The following HELZ variants were observed in gnomAD, a reference collection of about 807,000 sequenced individuals.
HELZ encodes helicase with zinc finger.
HELZ carries 23 observed loss-of-function variants against 218.2 expected under a neutral mutation model. The observed-to-expected ratio is 0.11, with a 90% CI of 0.08 to 0.15. The LOEUF (loss-of-function observed/expected upper bound fraction) is 0.15. Ranked by LOEUF, HELZ falls within the 10% of genes least tolerant of loss-of-function variation. The pLI, the probability that HELZ is intolerant of heterozygous loss-of-function variation, is 1.00. For synonymous variants in HELZ, 814 were observed against 829.4 expected (o/e 0.98, Z 0.32); for missense variants, 1,813 against 2,353.7 (o/e 0.77, Z 4.75).
chr17:67,191,853 A>T (rs1197762622), intron 9 of HELZ, among the ~76,000 whole-genome samples: 1 of 152,082 alleles, frequency 6.6e-6, no homozygotes, highest in African/African-American at 2.4e-5. Flanking sequence ...TTTTAAATAA[A>T]AATAATAAAA....
intron 21 of HELZ, among the ~76,000 whole-genome samples, chr17:67,141,060 T>G (rs1186312962): frequency 1.3e-5 from 2 of 152,180 alleles, no homozygotes; most frequent in African/African-American, 4.8e-5. Context: ...CAGACTCCCC[T>G]TATAAGAAAT....
chr17:67,089,696 G>GACAGAGAGAGAGAGAGAGAGAGAC (rs1555595459), intron 31 of HELZ, among the ~76,000 whole-genome samples: 1 of 122,676 alleles, frequency 8.2e-6, no homozygotes, highest in Non-Finnish European at 1.7e-5. Flanking sequence ...GAGAGAGAGA[G>GACAGAGAGAGAGAGAGAGAGAGAC]AGAGACAGAG....
rs766521565 is a variant in HELZ at position 67,070,944 on chromosome 17, A to G, written c.*7308T>C. On this transcript the variant is annotated 3_prime_UTR_variant, in exon 33 of 33. Coordinates refer to ENST00000358691, the MANE Select transcript of HELZ (RefSeq NM_014877.4). ...TGCTAAGTAACTGATCTATGAAGTTAGCTGAACAAGTTTAGATAAGAACTA... is the reference window on the plus strand; with the variant it reads ...TGCTAAGTAACTGATCTATGAAGTTGGCTGAACAAGTTTAGATAAGAACTA... 3 of 152,214 alleles carry G rather than the reference A, an allele frequency of 2.0e-5. No individual in the cohort carries two copies. Among genetic ancestry groups the G allele is most frequent in the Non-Finnish European group, 4.4e-5 (3 of 68,034 alleles). The allele number at this position is 152,214 out of a possible 1,614,324, so 9.4% of individuals were successfully genotyped here. A position where few individuals can be genotyped will look rare whatever the true frequency, so the allele number is the denominator to read the frequency against.
At chr17:67,113,540 G>A (rs1598251018) in intron 28 of HELZ, among the ~76,000 whole-genome samples, 1 of 152,144 alleles carries the variant, frequency 6.6e-6, no homozygotes, top group Admixed American at 6.5e-5. Context: ...GATTACAGGC[G>A]TGAGCAACCG....
chr17:67,204,848 A>C (rs2040256323), intron 5 of HELZ, among the ~76,000 whole-genome samples: 1 of 152,160 alleles, frequency 6.6e-6, no homozygotes, highest in Non-Finnish European at 1.5e-5. Flanking sequence ...AGGTATCATT[A>C]AGAATGTCTT....
In HELZ at chr17:67,114,885, G is replaced by A. The variant is rs78594720; in HGVS notation, c.3839-482C>T. Among the ~76,000 whole-genome samples the A allele has an allele frequency of 5.1e-3, 780 of 152,260 alleles. 7 individuals are homozygous for A. The highest frequency in any genetic ancestry group is 0.018 in the African/African-American group (741 of 41,570). ...GTAGTTATACTGCTTAAAAGTAATA[G>A]ATATCAAACCGTGTATAAGTGGGTG... On this transcript the variant is annotated intron_variant, in intron 27 of 32. Coordinates refer to ENST00000358691, the MANE Select transcript of HELZ (RefSeq NM_014877.4).
intron 5 of HELZ, among the ~76,000 whole-genome samples, chr17:67,214,134 AT>A (rs1041947140): frequency 2.6e-4 from 39 of 151,808 alleles, no homozygotes; most frequent in African/African-American, 9.0e-4. Flanking sequence ...GATAGCAGGG[AT>A]TTTTTTAAAA....
chr17:67,221,657 G>C (rs1173810875), intron 3 of HELZ, among the ~76,000 whole-genome samples: 1 of 152,034 alleles, frequency 6.6e-6, no homozygotes, highest in African/African-American at 2.4e-5. Flanking sequence ...CCTCTAAACT[G>C]GGAAGACAAC....
chr17:67,222,629 T>A (rs1360516456), intron 3 of HELZ, among the ~76,000 whole-genome samples: 1 of 152,196 alleles, frequency 6.6e-6, no homozygotes, highest in East Asian at 1.9e-4. Context: ...ATACAACGCA[T>A]GCTCCGTTCA....
At chr17:67,173,422 AC>A (rs766158151) in intron 13 of HELZ, among the ~76,000 whole-genome samples, 13 of 152,098 alleles carry the variant, frequency 8.5e-5, no homozygotes, top group Non-Finnish European at 1.6e-4. Context: ...TAATTCCCTA[AC>A]CTTTTAGGGA....
chr17:67,221,251 T>C (rs28522034), intron 3 of HELZ, among the ~76,000 whole-genome samples: 45,896 of 152,000 alleles, frequency 0.3, 9,281 homozygotes, highest in African/African-American at 0.58. Context: ...CCAGCAGATG[T>C]CAGTAGCACG....
chr17:67,109,091 C>G, intron 29 of HELZ, 25 bp downstream of exon 29: 1 of 1,521,026 alleles, frequency 6.6e-7, no homozygotes, highest in Admixed American at 2.0e-5. Context: ...TCTGAATTTT[C>G]ACATCTGGCA....
chr17:67,233,466 CG>C (rs1426208923), intron 3 of HELZ, among the ~76,000 whole-genome samples: 3 of 152,188 alleles, frequency 2.0e-5, no homozygotes, highest in African/African-American at 7.2e-5. Context: ...GAGACACCAC[CG>C]CTAAGAACCT....
chr17:67,156,709 G>A (rs144870320), intron 17 of HELZ, among the ~76,000 whole-genome samples: 288 of 151,464 alleles, frequency 1.9e-3, no homozygotes, highest in Middle Eastern at 3.4e-3. Context: ...CTATGCTCAC[G>A]CTTCAATCAC....
intron 15 of HELZ, among the ~76,000 whole-genome samples, chr17:67,162,259 T>C (rs1303415385): frequency 6.6e-6 from 1 of 152,130 alleles, no homozygotes; most frequent in African/African-American, 2.4e-5. Flanking sequence ...CTACAATATA[T>C]ATATAACTGT....
rs536897964 is a variant in HELZ, at chr17:67,078,543, C to T, written c.5538G>A (p.Ser1846=). The T allele has an allele frequency of 1.9e-5, 28 of 1,490,662 alleles. No individual in the cohort carries two copies. In the Admixed American group the frequency reaches 4.6e-4, roughly 25 times the overall value. The allele number at this position is 1,490,662 out of a possible 1,614,324, so 92.3% of individuals were successfully genotyped here. A position where few individuals can be genotyped will look rare whatever the true frequency, so the allele number is the denominator to read the frequency against. The change falls in exon 33 of 33, where the codon TCG becomes TCA. Residue 1846 remains serine, a synonymous_variant. Transcript: ENST00000358691. ...TVKPPEDQLK[S]ENLEVSSSFN... ...AGGAACTGGACACCTCGAGGTTCTC[C>T]GACTTCAGTTGATCCTCAGGGGGTT... is the stretch of plus-strand genomic sequence containing the variant.
intron 7 of HELZ, among the ~76,000 whole-genome samples, 157 bp from the exon 8 acceptor site, chr17:67,195,627 G>A (rs551557244): frequency 5.9e-5 from 9 of 151,838 alleles, no homozygotes; most frequent in East Asian, 5.8e-4. Flanking sequence ...TTTTTTCTAC[G>A]TTAAACTATA....
At chr17:67,212,599 A>G (rs2040487375) in intron 5 of HELZ, among the ~76,000 whole-genome samples, 1 of 152,174 alleles carries the variant, frequency 6.6e-6, no homozygotes, top group African/African-American at 2.4e-5. Context: ...ATCTTGGCCA[A>G]TATTTCCAAA....
chr17:67,107,459 G>C lies in HELZ; in HGVS notation c.4951C>G (p.Gln1651Glu). Reference protein sequence around the residue: ...IEVASNPAFPQRLPPQIFNSP... With the variant: ...IEVASNPAFPERLPPQIFNSP... Reference sequence around the variant, plus strand: ...TTGAATATCTGGGGTGGGAGGCGCTGTGGAAATGCTGGGTTGCTGGCTACT... The same window carrying C: ...TTGAATATCTGGGGTGGGAGGCGCTCTGGAAATGCTGGGTTGCTGGCTACT... The change falls in exon 31 of 33, where the codon CAG becomes GAG. Residue 1651 changes from glutamine (Q) to glutamate (E), a missense_variant. Gln to Glu is a conservative substitution (Grantham distance 29). Around this residue, in one of 4 missense-constraint regions of HELZ, gnomAD observed 938 missense variants for 1,027.5 expected, o/e 0.91. Transcript: ENST00000358691. 6.2e-7 allele frequency: 1 copy of C among 1,614,212 alleles called. No homozygotes were observed. The highest frequency in any genetic ancestry group is 1.1e-5 in the South Asian group (1 of 91,080).
Sources: allele counts gnomAD v4.1 joint callset (sites outside exome capture counted in the v4.1 genomes callset), GRCh38; gene constraint gnomAD v4.1.1; regional missense constraint gnomAD v4.1.1; transcripts MANE v1.5; gene names NCBI Gene and HGNC (gene_info 2026-07-23, HGNC 2026-07-21).